The following DAB1 variants were observed in gnomAD, a reference collection of about 807,000 sequenced individuals.
The protein encoded by DAB1 is disabled homolog 1.
DAB1 carries 15 observed loss-of-function variants against 64.6 expected under a neutral mutation model. That is an observed-to-expected ratio of 0.23 (90% CI 0.16 to 0.36). The LOEUF (loss-of-function observed/expected upper bound fraction) is 0.36. Among genes scored for constraint, DAB1 ranks in the 10% least tolerant of loss-of-function variants. The pLI is 1.00. For missense variants in DAB1, 596 were observed against 706.7 expected, an observed-to-expected ratio of 0.84 and a Z score of 1.78; for synonymous variants, 235 against 251.9, an observed-to-expected ratio of 0.93 and a Z score of 0.64.
chr1:57,406,787 G>A (rs1405896530), intron 1 of DAB1, among the ~76,000 whole-genome samples: 3 of 152,182 alleles, frequency 2.0e-5, no homozygotes, highest in Admixed American at 6.5e-5. Flanking sequence ...TGTGGGCTGT[G>A]ATTTTTCTGT....
intron 1 of DAB1, among the ~76,000 whole-genome samples, chr1:57,883,056 T>C (rs72666141): frequency 0.094 from 14,287 of 152,218 alleles, 972 homozygotes; most frequent in Admixed American, 0.23. Flanking sequence ...TGAACTTCCA[T>C]TGCAACTCCA....
intron 1 of DAB1, among the ~76,000 whole-genome samples, chr1:57,847,277 AG>A (rs780554604): frequency 1.2e-4 from 18 of 151,366 alleles, no homozygotes; most frequent in Non-Finnish European, 2.5e-4. Context: ...AAATCACAGG[AG>A]GAAAAAAAAA....
intron 2 of DAB1, among the ~76,000 whole-genome samples, chr1:57,224,751 G>A (rs1667131581): frequency 6.6e-6 from 1 of 152,222 alleles, no homozygotes; most frequent in African/African-American, 2.4e-5. Flanking sequence ...CCCATTGATA[G>A]GAGTGTCTTT....
intron 3 of DAB1, among the ~76,000 whole-genome samples, chr1:58,505,124 G>GT (rs1377613132): frequency 6.6e-6 from 1 of 152,114 alleles, no homozygotes; most frequent in Non-Finnish European, 1.5e-5. Flanking sequence ...GCCTAATTTT[G>GT]TATTTTCAGT....
At chr1:57,344,005 C>A (rs889140607) in intron 1 of DAB1, among the ~76,000 whole-genome samples, 2 of 152,258 alleles carry the variant, frequency 1.3e-5, no homozygotes, top group Non-Finnish European at 2.9e-5. Context: ...ATGTGCCAGC[C>A]ACTGTGTAAG....
At chr1:57,612,206 T>C (rs1328496709) in intron 7 of DAB1, among the ~76,000 whole-genome samples, 1 of 151,890 alleles carries the variant, frequency 6.6e-6, no homozygotes, top group Non-Finnish European at 1.5e-5. Flanking sequence ...TGTGTGTGTG[T>C]GTGTGTGTGT....
chr1:58,023,437 A>C (rs1646843197), intron 5 of DAB1, among the ~76,000 whole-genome samples: 1 of 152,148 alleles, frequency 6.6e-6, no homozygotes, highest in Non-Finnish European at 1.5e-5. Flanking sequence ...TCCAGATCAG[A>C]AGAATCAGGT....
At position 57,221,443 on chromosome 1, in the gene DAB1, CAA is replaced by C. The variant is rs386367039; in HGVS notation, c.67+69519_67+69520del. Among the ~76,000 whole-genome samples, 5 of 127,638 alleles carry C rather than the reference CAA, an allele frequency of 3.9e-5. No homozygotes were observed. In the East Asian group the frequency reaches 6.7e-4, roughly 17 times the overall value. The allele number at this position is 127,638 out of a possible 152,430, so 83.7% of individuals were successfully genotyped here. On this transcript the variant is annotated intron_variant, in intron 2 of 14. Transcript: ENST00000371236. ...CACGGTATGACCATATGTGGCATTACAAAAAAAAAAAAAGACATGCTTAAGGT... is the reference window on the plus strand; with the variant it reads ...CACGGTATGACCATATGTGGCATTACAAAAAAAAAAAGACATGCTTAAGGT...
At chr1:57,075,839 T>C (rs1651936207) in intron 4 of DAB1, among the ~76,000 whole-genome samples, 5 of 152,078 alleles carry the variant, frequency 3.3e-5, no homozygotes, top group Admixed American at 2.6e-4. Context: ...AGAATCAAAG[T>C]CTCCTTTCCT....
At chr1:57,253,498 C>G (rs1235520716) in intron 2 of DAB1, among the ~76,000 whole-genome samples, 1 of 152,054 alleles carries the variant, frequency 6.6e-6, no homozygotes, top group Non-Finnish European at 1.5e-5. Context: ...CACACAGTGG[C>G]AGACAGGGTA....
At chr1:57,561,180 T>C (rs143841251) in intron 7 of DAB1, among the ~76,000 whole-genome samples, 187 of 152,282 alleles carry the variant, frequency 1.2e-3, no homozygotes, top group African/African-American at 4.2e-3. Context: ...GAGTTCCCTA[T>C]AATCAGTTGA....
chr1:57,239,284 T>A (rs2100467252), intron 2 of DAB1, among the ~76,000 whole-genome samples: 1 of 152,326 alleles, frequency 6.6e-6, no homozygotes, highest in Non-Finnish European at 1.5e-5. Context: ...TCATCTTTTA[T>A]CCCATCACTG....
chr1:58,000,486 G>T (rs1486674737), intron 5 of DAB1, among the ~76,000 whole-genome samples: 1 of 147,238 alleles, frequency 6.8e-6, no homozygotes, highest in African/African-American at 2.5e-5. Flanking sequence ...CTGTCTCTTG[G>T]TCTCCTCTCT....
intron 1 of DAB1, among the ~76,000 whole-genome samples, chr1:57,294,065 A>G (rs1672997776): frequency 6.6e-6 from 1 of 152,170 alleles, no homozygotes; most frequent in Admixed American, 6.5e-5. Context: ...TCCAAAAGGC[A>G]GAGGTTGAGC....
chr1:58,026,771 C>T (rs1646901347), intron 5 of DAB1, among the ~76,000 whole-genome samples: 2 of 152,132 alleles, frequency 1.3e-5, no homozygotes, highest in Non-Finnish European at 2.9e-5. Context: ...GAATATAGAT[C>T]CATGGGAGAT....
At chr1:57,816,831 T>C (rs1419368080) in intron 6 of DAB1, among the ~76,000 whole-genome samples, 4 of 152,204 alleles carry the variant, frequency 2.6e-5, no homozygotes, top group Non-Finnish European at 5.9e-5. Context: ...ATTTGATTCA[T>C]TTCAACCTAG....
intron 6 of DAB1, among the ~76,000 whole-genome samples, chr1:57,754,600 C>T (rs1035351888): frequency 6.6e-6 from 1 of 151,444 alleles, no homozygotes; most frequent in Non-Finnish European, 1.5e-5. Flanking sequence ...GCAGGAGAAT[C>T]GCTTGAAAAA....
intron 1 of DAB1, among the ~76,000 whole-genome samples, chr1:57,316,011 T>C (rs1675168524): frequency 6.6e-6 from 1 of 152,194 alleles, no homozygotes; most frequent in Non-Finnish European, 1.5e-5. Context: ...ATAGGTGTAT[T>C]ACCACCCCAA....
At chr1:57,611,455 TG>T (rs1645725765) in intron 7 of DAB1, among the ~76,000 whole-genome samples, 1 of 152,226 alleles carries the variant, frequency 6.6e-6, no homozygotes, top group South Asian at 2.1e-4. Flanking sequence ...TAGTTATTAT[TG>T]TAGTGAACAA....
Sources: allele counts gnomAD v4.1 joint callset (sites outside exome capture counted in the v4.1 genomes callset), GRCh38; gene constraint gnomAD v4.1.1; transcripts MANE v1.5; gene names NCBI Gene and HGNC (gene_info 2026-07-23, HGNC 2026-07-21).